The following ABL2 variants were observed in gnomAD, a reference collection of about 807,000 sequenced individuals.
The protein encoded by ABL2 is tyrosine-protein kinase ABL2.
A neutral mutation model predicts 107.7 loss-of-function variants in ABL2; 49 were observed. The observed-to-expected ratio is 0.45, with a 90% CI of 0.36 to 0.58. The LOEUF (loss-of-function observed/expected upper bound fraction) is 0.58. ABL2 is among the 20% of genes least tolerant of loss of function. The pLI is 0.00. For missense variants in ABL2, 1,245 were observed against 1,457.0 expected (o/e 0.85, Z 2.37); for synonymous variants, 549 against 548.6 (o/e 1.00, Z -0.01).
chr1:179,139,867 C>G (rs2102700098), intron 1 of ABL2, among the ~76,000 whole-genome samples: 1 of 152,260 alleles, frequency 6.6e-6, no homozygotes, highest in Middle Eastern at 3.4e-3. Flanking sequence ...TAATCTAATG[C>G]CTGATGATCT....
At chr1:179,151,093 T>C (rs1294497585) in intron 1 of ABL2, among the ~76,000 whole-genome samples, 1 of 152,096 alleles carries the variant, frequency 6.6e-6, no homozygotes, top group African/African-American at 2.4e-5. Context: ...TTATATGCAC[T>C]GGGAAACAAA....
intron 1 of ABL2, among the ~76,000 whole-genome samples, chr1:179,154,473 G>T (rs971195426): frequency 6.6e-6 from 1 of 152,196 alleles, no homozygotes; most frequent in African/African-American, 2.4e-5. Context: ...GCCACATATT[G>T]TGTCTACTGT....
chr1:179,141,065 G>A (rs1194947123), intron 1 of ABL2, among the ~76,000 whole-genome samples: 12 of 147,366 alleles, frequency 8.1e-5, no homozygotes, highest in African/African-American at 2.5e-4. Context: ...GCAGTGAACT[G>A]AGATCAGACT....
intron 1 of ABL2, among the ~76,000 whole-genome samples, chr1:179,141,214 C>T (rs1657557320): frequency 6.6e-6 from 1 of 151,778 alleles, no homozygotes; most frequent in African/African-American, 2.4e-5. Flanking sequence ...TTGTCTGAGC[C>T]TGGGAGGTTG....
In ABL2 at chr1:179,108,102, T is replaced by C. The variant is rs774277174; in HGVS notation, c.3165A>G (p.Pro1055=). Residue 1055 remains proline, a synonymous_variant, in exon 12 of 12, where the codon CCA becomes CCG. Transcript: ENST00000502732. The part of the protein sequence containing the change: ...QVPLPTSSIS[P]AKMANGTAGT... Reference sequence around the variant, plus strand: ...CTGCTGTGCCATTGGCCATTTTGGCTGGCGAGATGGAAGATGTGGGCAGAG... The same window carrying C: ...CTGCTGTGCCATTGGCCATTTTGGCCGGCGAGATGGAAGATGTGGGCAGAG... The C allele has an allele frequency of 4.3e-6, 7 of 1,614,246 alleles. No individual in the cohort carries two copies. Among genetic ancestry groups the C allele is most frequent in the Non-Finnish European group, 5.9e-6 (7 of 1,180,040 alleles).
intron 10 of ABL2, among the ~76,000 whole-genome samples, chr1:179,111,043 G>A (rs2102588015): frequency 6.7e-6 from 1 of 149,156 alleles, no homozygotes; most frequent in East Asian, 2.0e-4. Flanking sequence ...GAGTGCAATG[G>A]CGTGATCTCA....
In ABL2 at chr1:179,109,325, T is replaced by C. The variant is rs1455521705; in HGVS notation, c.1942A>G (p.Arg648Gly). 21 of 1,614,028 alleles carry C rather than the reference T, an allele frequency of 1.3e-5. No homozygotes were observed. The highest frequency in any genetic ancestry group is 1.6e-5 in the Non-Finnish European group (19 of 1,180,016). ...AAGGAGCTGAAGAAGCCCCCCTTCC[T>C]ATCCCTGGTGAAGCATGTCTCTTTG... is the stretch of plus-strand genomic sequence containing the variant. ...DAKETCFTRD[R>G]KGGFFSSFMK... Residue 648 changes from arginine (R) to glycine (G), a missense_variant, in exon 12 of 12, where the codon AGG becomes GGG. Arg to Gly is a moderately radical substitution (Grantham distance 125). Around this residue, in one of 3 missense-constraint regions of ABL2, gnomAD observed 761 missense variants for 766.4 expected, o/e 0.99. Transcript: ENST00000502732.
rs530707091 is a variant in ABL2 at position 179,115,624 on chromosome 1, C to G, written c.1409-594G>C. On this transcript the variant is annotated intron_variant, in intron 8 of 11. Coordinates refer to ENST00000502732, the MANE Select transcript of ABL2 (RefSeq NM_007314.4). ...TGAGAAGACCTCTCGGTTATCAGAT[C>G]AAAAAAAGATTATATATCCAGGGCT... 3.9e-5 allele frequency among the ~76,000 whole-genome samples: 6 copies of G among 151,950 alleles called. No homozygotes were observed. In the South Asian group the frequency reaches 1.2e-3, roughly 32 times the overall value.
chr1:179,170,090 G>GAGTCC (rs1166368039), intron 1 of ABL2, among the ~76,000 whole-genome samples: 1 of 152,092 alleles, frequency 6.6e-6, no homozygotes, highest in Non-Finnish European at 1.5e-5. Flanking sequence ...TAGAGACTAG[G>GAGTCC]AGTCCAAGGG....
At chr1:179,178,015 T>C (rs1660145849) in intron 1 of ABL2, among the ~76,000 whole-genome samples, 1 of 152,206 alleles carries the variant, frequency 6.6e-6, no homozygotes, top group Non-Finnish European at 1.5e-5. Context: ...TGCAGGGATA[T>C]AATTACATAA....
intron 1 of ABL2, among the ~76,000 whole-genome samples, chr1:179,168,777 TAAGG>T (rs1659540763): frequency 6.6e-6 from 1 of 152,184 alleles, no homozygotes; most frequent in African/African-American, 2.4e-5. Flanking sequence ...AGAAATTTTT[TAAGG>T]AAGTATGTGA....
At chr1:179,171,179 C>G (rs931848475) in intron 1 of ABL2, among the ~76,000 whole-genome samples, 2 of 152,206 alleles carry the variant, frequency 1.3e-5, no homozygotes, top group Admixed American at 6.5e-5. Context: ...TCTGATATGA[C>G]TGGTGATTGC....
intron 3 of ABL2, among the ~76,000 whole-genome samples, chr1:179,128,112 T>C (rs1163968415): frequency 1.3e-5 from 2 of 151,650 alleles, no homozygotes; most frequent in Admixed American, 6.6e-5. Context: ...CTTGTAACCA[T>C]CTGTCCTTTT....
Position 179,103,858 on chromosome 1 carries a change from T to C in ABL2, c.*3860A>G, listed in dbSNP as rs563225532. ...CCACTAATTAACCGTTCTGAGACAA[T>C]AGGCAAGTAATTTAACCATCTTCTG... On this transcript the variant is annotated 3_prime_UTR_variant, in exon 12 of 12. Transcript: ENST00000502732. 175 of 231,192 alleles carry C rather than the reference T, an allele frequency of 7.6e-4. 1 individual carries two copies. Among genetic ancestry groups the C allele is most frequent in the African/African-American group, 3.6e-3 (165 of 45,352 alleles). 14.3% of individuals were successfully genotyped at this position (231,192 alleles called of 1,614,324 possible).
At position 179,113,471 on chromosome 1, in the gene ABL2, C is replaced by G. The variant is rs557222725; in HGVS notation, c.1562-1073G>C. ...AAGTGCAACAGAGAACGTCAATGTT[C>G]AATGAGGAAACAACACAGACTTATG... On this transcript the variant is annotated intron_variant, in intron 9 of 11. Coordinates refer to ENST00000502732, the MANE Select transcript of ABL2 (RefSeq NM_007314.4). Among the ~76,000 whole-genome samples, 5 of 152,284 alleles carry G rather than the reference C, an allele frequency of 3.3e-5. No homozygotes were observed. In the South Asian group the frequency reaches 1.0e-3, roughly 32 times the overall value.
chr1:179,174,798 C>T (rs968097156), intron 1 of ABL2, among the ~76,000 whole-genome samples: 5 of 149,526 alleles, frequency 3.3e-5, no homozygotes, highest in African/African-American at 7.4e-5. Context: ...AGAAGGCTGA[C>T]GCAGGAGAAT....
intron 1 of ABL2, among the ~76,000 whole-genome samples, chr1:179,134,941 G>A (rs962912453): frequency 5.9e-5 from 9 of 152,212 alleles, no homozygotes; most frequent in Non-Finnish European, 1.0e-4. Context: ...TGTGTTGGCC[G>A]CGCTGGTCTC....
chr1:179,196,423 C>T (rs1392359424), intron 1 of ABL2: 1 of 152,144 alleles, frequency 6.6e-6, no homozygotes, highest in Non-Finnish European at 1.5e-5. Flanking sequence ...TTTGTCTGTA[C>T]TTAAGTAGAA....
At chr1:179,169,964 C>T (rs1659625148) in intron 1 of ABL2, among the ~76,000 whole-genome samples, 1 of 151,916 alleles carries the variant, frequency 6.6e-6, no homozygotes, top group Non-Finnish European at 1.5e-5. Flanking sequence ...GATTTTAAGG[C>T]TGCAGTGAGC....
Sources: gnomAD v4.1 joint callset for allele counts (sites outside exome capture counted in the v4.1 genomes callset) on GRCh38, gnomAD v4.1.1 for gene constraint, gnomAD v4.1.1 regional missense constraint, MANE v1.5 for transcripts, NCBI Gene and HGNC (gene_info 2026-07-23, HGNC 2026-07-21) for gene names.